CEP112: variants seen among roughly 807,000 people sequenced by gnomAD.
The protein encoded by CEP112 is centrosomal protein of 112 kDa.
In CEP112, 127 loss-of-function variants were observed where a neutral mutation model predicts 153.0. The ratio of observed to expected loss-of-function variants is 0.83; its 90% confidence interval spans 0.72 to 0.96. The LOEUF is 0.96. Ranked by LOEUF, CEP112 falls within the 40% of genes least tolerant of loss-of-function variation. The pLI is 0.00. For missense variants in CEP112, 1,089 were observed against 1,101.2 expected (o/e 0.99, Z 0.16); for synonymous variants, 358 against 374.4 (o/e 0.96, Z 0.51).
At chr17:66,088,589 C>T (rs1233321245) in intron 8 of CEP112, among the ~76,000 whole-genome samples, 1 of 152,112 alleles carries the variant, frequency 6.6e-6, no homozygotes, top group African/African-American at 2.4e-5. Flanking sequence ...CAACACAACC[C>T]CATGCTTTAG....
chr17:66,179,168 T>C (rs928123048), intron 2 of CEP112, among the ~76,000 whole-genome samples: 3 of 152,194 alleles, frequency 2.0e-5, no homozygotes, highest in Non-Finnish European at 1.5e-5. Flanking sequence ...TAACTTTGGC[T>C]ATTCTGGGTC....
intron 17 of CEP112, among the ~76,000 whole-genome samples, chr17:65,977,892 C>A (rs1484679844): frequency 1.3e-5 from 2 of 151,896 alleles, no homozygotes; most frequent in Admixed American, 1.3e-4. Flanking sequence ...CTGGACAACA[C>A]GGTAAAACCC....
At chr17:66,182,707 A>G (rs537877164) in intron 2 of CEP112, among the ~76,000 whole-genome samples, 1 of 152,202 alleles carries the variant, frequency 6.6e-6, no homozygotes, top group South Asian at 2.1e-4. Context: ...ACAGGCCAGG[A>G]ATTGGAGACA....
At chr17:65,916,287 G>GTGTATGTA (rs1555711270) in intron 19 of CEP112, among the ~76,000 whole-genome samples, 14,277 of 147,486 alleles carry the variant, frequency 0.097, 749 homozygotes, top group South Asian at 0.26. Context: ...GTGTGTGTGT[G>GTGTATGTA]TGTGTATGTG....
chr17:65,764,014 G>C (rs2052778129), intron 21 of CEP112, among the ~76,000 whole-genome samples: 1 of 152,060 alleles, frequency 6.6e-6, no homozygotes, highest in African/African-American at 2.4e-5. Flanking sequence ...TAGTAAGCCT[G>C]TGCCTCTGGG....
At chr17:65,800,276 T>C (rs1475678569) in intron 21 of CEP112, among the ~76,000 whole-genome samples, 5 of 152,196 alleles carry the variant, frequency 3.3e-5, no homozygotes, top group Non-Finnish European at 7.3e-5. Context: ...TCATTCCCCA[T>C]TTCCCTCGAC....
chr17:65,753,851 G>A (rs905737007), intron 21 of CEP112, among the ~76,000 whole-genome samples: 12 of 152,012 alleles, frequency 7.9e-5, no homozygotes, highest in African/African-American at 2.7e-4. Flanking sequence ...CTAGAGTCAC[G>A]GATAATAGTT....
At chr17:65,894,810 A>C (rs560079961) in intron 20 of CEP112, among the ~76,000 whole-genome samples, 96 of 152,204 alleles carry the variant, frequency 6.3e-4, no homozygotes, top group African/African-American at 2.3e-3. Flanking sequence ...TCACTGTTCT[A>C]TTCTACAAAT....
rs149408399 is a variant in CEP112, at chr17:66,121,059, G to A, written c.642+8687C>T. Among the ~76,000 whole-genome samples the A allele has an allele frequency of 7.4e-3, 1,128 of 152,108 alleles. 13 individuals carry two copies. Among genetic ancestry groups the A allele is most frequent in the Middle Eastern group, 0.031 (9 of 294 alleles). On this transcript the variant is annotated intron_variant, in intron 6 of 26. Coordinates refer to ENST00000535342, the MANE Select transcript of CEP112 (RefSeq NM_001199165.4). ...TTTGGGAGGCCGAGGCGGGCGGATCGCCTGAGGTTGGGAGTTCGAGACCAG... is the reference window on the plus strand; with the variant it reads ...TTTGGGAGGCCGAGGCGGGCGGATCACCTGAGGTTGGGAGTTCGAGACCAG...
chr17:65,758,377 C>T (rs1391910890), intron 21 of CEP112, among the ~76,000 whole-genome samples: 1 of 152,076 alleles, frequency 6.6e-6, no homozygotes, highest in East Asian at 1.9e-4. Context: ...TAATTCCTAA[C>T]AAAAGCTTGG....
chr17:66,157,365 G>T (rs1161888304), intron 4 of CEP112, among the ~76,000 whole-genome samples: 1 of 152,086 alleles, frequency 6.6e-6, no homozygotes, highest in African/African-American at 2.4e-5. Context: ...CCTTACAAGA[G>T]CTCCTGAAGG....
intron 20 of CEP112, among the ~76,000 whole-genome samples, chr17:65,866,898 T>C (rs554834636): frequency 3.3e-5 from 5 of 152,252 alleles, no homozygotes; most frequent in South Asian, 2.1e-4. Context: ...CTTGTCTGCA[T>C]ACCTCATTCT....
intron 23 of CEP112, among the ~76,000 whole-genome samples, chr17:65,704,409 AACGTGTAAAATACAC>A (rs1018329020): frequency 2.9e-5 from 4 of 140,266 alleles, no homozygotes; most frequent in African/African-American, 1.1e-4. Context: ...TCTCTTGTAA[AACGTGTAAAATACAC>A]ACACACACAC....
At chr17:65,975,591 TAAG>T (rs2063003968) in intron 17 of CEP112, among the ~76,000 whole-genome samples, 1 of 152,162 alleles carries the variant, frequency 6.6e-6, no homozygotes, top group African/African-American at 2.4e-5. Flanking sequence ...CAGTGTCAAA[TAAG>T]AAATCATACT....
At chr17:65,821,494 AATTATATATATATAT>A (rs1568066473) in intron 21 of CEP112, among the ~76,000 whole-genome samples, 16 of 129,452 alleles carry the variant, frequency 1.2e-4, no homozygotes, top group African/African-American at 4.7e-4. Flanking sequence ...TTATATATAT[AATTATATATATATAT>A]ATAATTATAT....
intron 17 of CEP112, among the ~76,000 whole-genome samples, chr17:65,973,231 T>G (rs2062914185): frequency 6.6e-6 from 1 of 152,170 alleles, no homozygotes; most frequent in African/African-American, 2.4e-5. Context: ...GCACAATTTA[T>G]AAAAGAACAA....
At chr17:65,860,065 G>T (rs965415743) in intron 20 of CEP112, among the ~76,000 whole-genome samples, 1 of 150,492 alleles carries the variant, frequency 6.6e-6, no homozygotes, top group Non-Finnish European at 1.5e-5. Context: ...TGCCATGACG[G>T]TATATATAAA....
At chr17:65,896,336 T>C (rs2059658092) in intron 20 of CEP112, among the ~76,000 whole-genome samples, 1 of 152,088 alleles carries the variant, frequency 6.6e-6, no homozygotes, top group South Asian at 2.1e-4. Context: ...TTAAATTGTT[T>C]ATAATAGTTT....
intron 17 of CEP112, among the ~76,000 whole-genome samples, chr17:65,969,313 T>C (rs995561030): frequency 3.3e-5 from 5 of 152,088 alleles, no homozygotes; most frequent in South Asian, 2.1e-4. Flanking sequence ...TAGGAAAACA[T>C]TGTAAAGGAC....
Sources: gnomAD v4.1 joint callset for allele counts (sites outside exome capture counted in the v4.1 genomes callset) on GRCh38, gnomAD v4.1.1 for gene constraint, MANE v1.5 for transcripts, NCBI Gene and HGNC (gene_info 2026-07-23, HGNC 2026-07-21) for gene names.